ATAD2B: variants seen among roughly 807,000 people sequenced by gnomAD.
The protein encoded by ATAD2B is ATPase family AAA domain-containing protein 2B.
Under a neutral mutation model 167.6 loss-of-function variants are expected in ATAD2B, and 40 were observed. That is an observed-to-expected ratio of 0.24 (90% CI 0.19 to 0.31). The LOEUF is 0.31. ATAD2B is among the 10% of genes least tolerant of loss of function. The probability of loss-of-function intolerance (pLI) is 1.00; values close to 1 mark genes in which losing one functional copy is unlikely to be tolerated. For missense variants in ATAD2B, 1,242 were observed against 1,757.2 expected (o/e 0.71, Z 5.24); for synonymous variants, 579 against 596.5 (o/e 0.97, Z 0.43).
intron 20 of ATAD2B, 83 bp downstream of exon 20, chr2:23,788,429 A>T (rs1681148813): frequency 6.9e-6 from 10 of 1,442,608 alleles, no homozygotes; most frequent in Middle Eastern, 1.8e-4. Context: ...TCCAAGAAGA[A>T]AGGGCTAAAA....
In ATAD2B at chr2:23,874,144, G is replaced by A. The variant is rs1057193411; in HGVS notation, c.977+1685C>T. On this transcript the variant is annotated intron_variant, in intron 8 of 27. Transcript: ENST00000238789. ...GGAGGTTGCAGTGAGCCGAGATCAC[G>A]TCACTGCACTCCAGCCTTGGCGACC... Among the ~76,000 whole-genome samples the A allele has an allele frequency of 4.0e-5, 6 of 151,604 alleles. No individual in the cohort carries two copies. The East Asian group carries it at 7.7e-4, about 20-fold the overall frequency.
intron 20 of ATAD2B, among the ~76,000 whole-genome samples, chr2:23,787,849 A>G (rs1681055983): frequency 7.9e-5 from 12 of 152,046 alleles, no homozygotes; most frequent in Admixed American, 7.9e-4. Flanking sequence ...GATTAGGAAA[A>G]GAAAATCTCT....
At chr2:23,696,078 C>T in the ATAD2B span, 3 of 1,551,846 alleles carry the variant, frequency 1.9e-6, no homozygotes, top group Middle Eastern at 3.3e-4. This position sits in a 1 kb window ranked among gnomAD's most constrained non-coding sequence, Gnocchi z 5.5. Context: ...CGCTGCCCTT[C>T]TATGACCGCG....
intron 19 of ATAD2B, among the ~76,000 whole-genome samples, chr2:23,791,018 G>A (rs1469752975): frequency 2.0e-5 from 3 of 152,160 alleles, no homozygotes; most frequent in African/African-American, 7.2e-5. Context: ...TCTGTCTCTA[G>A]AGAATTGCCT....
At chr2:23,775,129 C>A (rs939421139) in intron 22 of ATAD2B, among the ~76,000 whole-genome samples, 15 of 151,750 alleles carry the variant, frequency 9.9e-5, no homozygotes, top group Non-Finnish European at 1.8e-4. Flanking sequence ...GGGGTACTTA[C>A]AACTGGAAGG....
At chr2:23,871,402 A>T (rs1695957047) in intron 8 of ATAD2B, among the ~76,000 whole-genome samples, 1 of 152,092 alleles carries the variant, frequency 6.6e-6, no homozygotes, top group South Asian at 2.1e-4. Context: ...ACCTCCTAAC[A>T]TACCAACTTT....
the ATAD2B span, chr2:23,703,718 GACA>G: frequency 2.0e-6 from 3 of 1,535,260 alleles, no homozygotes; most frequent in Non-Finnish European, 2.6e-6. Context: ...TCTCCTCACA[GACA>G]ACAAGTATGC....
chr2:23,801,061 A>G (rs1408741524), intron 18 of ATAD2B, among the ~76,000 whole-genome samples: 2 of 152,148 alleles, frequency 1.3e-5, no homozygotes, highest in Non-Finnish European at 2.9e-5. Flanking sequence ...TATTAAAACA[A>G]GCTTTCTTTT....
intron 22 of ATAD2B, among the ~76,000 whole-genome samples, chr2:23,771,743 CCT>C (rs1558509067): frequency 6.6e-6 from 1 of 152,196 alleles, no homozygotes; most frequent in East Asian, 1.9e-4. Context: ...TATTGCGGCC[CCT>C]GTGTGAACTT....
chr2:23,734,956 G>A, the ATAD2B span, among the ~76,000 whole-genome samples: 1 of 152,138 alleles, frequency 6.6e-6, no homozygotes, highest in Non-Finnish European at 1.5e-5. Context: ...TAACTTCAGT[G>A]TCTATCATAC....
chr2:23,703,466 G>A, the ATAD2B span: 18 of 1,248,406 alleles, frequency 1.4e-5, no homozygotes, highest in Non-Finnish European at 1.9e-5. Context: ...CAGAAGTCAG[G>A]CTAAGCCCAA....
intron 1 of ATAD2B, among the ~76,000 whole-genome samples, chr2:23,907,106 A>T (rs1701618712): frequency 6.6e-6 from 1 of 151,212 alleles, no homozygotes; most frequent in East Asian, 1.9e-4. Context: ...TAGTGTTGGA[A>T]GTTCTGGCCA....
At chr2:23,857,810 CG>C (rs1360087147) in intron 12 of ATAD2B, among the ~76,000 whole-genome samples, 2 of 143,554 alleles carry the variant, frequency 1.4e-5, no homozygotes, top group African/African-American at 5.2e-5. Context: ...GGCACGATCT[CG>C]GCTCACTACA....
intron 22 of ATAD2B, among the ~76,000 whole-genome samples, chr2:23,777,478 A>G (rs977470332): frequency 1.3e-5 from 2 of 152,122 alleles, no homozygotes; most frequent in Admixed American, 1.3e-4. Flanking sequence ...CATAAACACT[A>G]ACAGAAAAAT....
At chr2:23,913,624 A>G in intron 1 of ATAD2B, among the ~76,000 whole-genome samples, 1 of 148,792 alleles carries the variant, frequency 6.7e-6, no homozygotes, top group Non-Finnish European at 1.5e-5. Context: ...TGGGCAACAG[A>G]GCGAGACTCT....
intron 2 of ATAD2B, among the ~76,000 whole-genome samples, chr2:23,892,320 C>A (rs1214087485): frequency 6.6e-6 from 1 of 152,158 alleles, no homozygotes; most frequent in African/African-American, 2.4e-5. Context: ...CCCGCCACCA[C>A]GCCTGGCTAA....
At chr2:23,731,001 A>C in the ATAD2B span, among the ~76,000 whole-genome samples, 54 of 152,286 alleles carry the variant, frequency 3.5e-4, 1 homozygote, top group African/African-American at 1.2e-3. Flanking sequence ...GATGAAACAG[A>C]GATTACAAAC....
chr2:23,744,890 AAAAC>A (rs1674739241), downstream of ATAD2B, among the ~76,000 whole-genome samples: 1 of 152,234 alleles, frequency 6.6e-6, no homozygotes, highest in Non-Finnish European at 1.5e-5. Flanking sequence ...AAAAAGAACT[AAAAC>A]AAGTATGACA....
the ATAD2B span, chr2:23,706,334 G>T: frequency 3.5e-6 from 2 of 569,638 alleles, no homozygotes; most frequent in East Asian, 3.5e-5. Flanking sequence ...GCCAGCCCAG[G>T]TTAGAGGGCA....
Sources: gnomAD v4.1 joint callset for allele counts (sites outside exome capture counted in the v4.1 genomes callset) on GRCh38, gnomAD v4.1.1 for gene constraint, Gnocchi (gnomAD v3.1) non-coding constraint, MANE v1.5 for transcripts, NCBI Gene and HGNC (gene_info 2026-07-23, HGNC 2026-07-21) for gene names.